CTNNAL1: variants seen among roughly 807,000 people sequenced by gnomAD.
The protein encoded by CTNNAL1 is alpha-catulin.
In CTNNAL1, 69 loss-of-function variants were observed where a neutral mutation model predicts 93.6. That is an observed-to-expected ratio of 0.74 (90% CI 0.61 to 0.90). CTNNAL1 has a LOEUF of 0.90. Ranked by LOEUF, CTNNAL1 falls within the 40% of genes least tolerant of loss-of-function variation. CTNNAL1 has a pLI of 0.00. For missense variants in CTNNAL1, 836 were observed against 862.0 expected (o/e 0.97, Z 0.38); for synonymous variants, 286 against 305.4 (o/e 0.94, Z 0.66).
intron 10 of CTNNAL1, among the ~76,000 whole-genome samples, chr9:108,969,282 A>AG: frequency 6.6e-6 from 1 of 151,592 alleles, no homozygotes; most frequent in East Asian, 1.9e-4. Flanking sequence ...AAAAAAAAAA[A>AG]GGAGGAAGCT....
intron 17 of CTNNAL1, 103 bp from the exon 18 acceptor site, chr9:108,943,147 C>A: frequency 9.5e-7 from 1 of 1,055,196 alleles, no homozygotes; most frequent in Non-Finnish European, 1.4e-6. Context: ...ATATGGAAAT[C>A]TAAGGGATCT....
intron 14 of CTNNAL1, among the ~76,000 whole-genome samples, chr9:108,951,985 G>C (rs992348646): frequency 2.0e-5 from 3 of 152,062 alleles, no homozygotes; most frequent in Admixed American, 6.6e-5. Context: ...TGGAAAGAGT[G>C]GGCAGAAACC....
chr9:108,994,234 A>C (rs1349541141), intron 2 of CTNNAL1, among the ~76,000 whole-genome samples: 1 of 152,136 alleles, frequency 6.6e-6, no homozygotes, highest in East Asian at 1.9e-4. Context: ...TGGTCTCAAA[A>C]AAAAAAAAGA....
chr9:108,961,805 T>C (rs1830827071), intron 11 of CTNNAL1, among the ~76,000 whole-genome samples: 1 of 152,202 alleles, frequency 6.6e-6, no homozygotes, highest in Non-Finnish European at 1.5e-5. Flanking sequence ...GTTTTACCTC[T>C]TCTGTAATTT....
chr9:109,012,292 G>C (rs1827228630), intron 1 of CTNNAL1, among the ~76,000 whole-genome samples: 1 of 152,192 alleles, frequency 6.6e-6, no homozygotes, highest in Non-Finnish European at 1.5e-5. Flanking sequence ...TGTTTAAGCA[G>C]GGTACTGGTG....
At chr9:108,945,216 C>T (rs993934781) in intron 15 of CTNNAL1, among the ~76,000 whole-genome samples, 1 of 152,152 alleles carries the variant, frequency 6.6e-6, no homozygotes, top group Non-Finnish European at 1.5e-5. Flanking sequence ...TCCCAGACCT[C>T]CCCAAGGATA....
rs116929532 is a variant in CTNNAL1 at position 108,949,433 on chromosome 9, C to T, written c.1836-1199G>A. On this transcript the variant is annotated intron_variant, in intron 14 of 18. Transcript: ENST00000325551. The stretch of plus-strand genomic sequence containing the variant: ...ATCTTTTTTTAAAAAGTTGGCCAAG[C>T]GCGGTGGCTCATGTCTGTAATCCCA... Among the ~76,000 whole-genome samples the T allele has an allele frequency of 1.7e-3, 262 of 152,230 alleles. 7 individuals carry two copies. In the East Asian group the frequency reaches 0.047, roughly 27 times the overall value.
rs774042662 is a variant in CTNNAL1 at position 108,990,779 on chromosome 9, G to T, written c.586C>A (p.Gln196Lys). Reference sequence around the variant, plus strand: ...AACTCCACCATTTCATTTCCAAATTGACTGAATATTTGGACAAACTCTTGA... The same window carrying T: ...AACTCCACCATTTCATTTCCAAATTTACTGAATATTTGGACAAACTCTTGA... ...SFQEFVQIFS[Q>K]FGNEMVEFAH... The change falls in exon 4 of 19, where the codon CAA (glutamine) becomes AAA (lysine). Residue 196 changes from glutamine to lysine, a missense_variant. Physicochemically the swap from Gln to Lys is moderately conservative, Grantham distance 53 (BLOSUM62 1). Coordinates refer to ENST00000325551, the MANE Select transcript of CTNNAL1 (RefSeq NM_003798.4). 3 of 1,613,588 alleles carry T rather than the reference G, an allele frequency of 1.9e-6. No homozygotes were observed. In the South Asian group the frequency reaches 3.3e-5, roughly 18 times the overall value.
At chr9:108,983,059 C>G (rs1002535049) in intron 6 of CTNNAL1, 86 bp downstream of exon 6, 2 of 1,162,672 alleles carry the variant, frequency 1.7e-6, no homozygotes, top group African/African-American at 3.2e-5. Flanking sequence ...GCCTGGGCAA[C>G]AGAGCGAGAC....
chr9:108,979,167 T>A, intron 7 of CTNNAL1, 114 bp downstream of exon 7: 1 of 1,320,562 alleles, frequency 7.6e-7, no homozygotes, highest in Middle Eastern at 2.4e-4. Context: ...AGATATCCTG[T>A]CCCATTCTGG....
chr9:109,012,570 C>A (rs1412101025), intron 1 of CTNNAL1, among the ~76,000 whole-genome samples: 4 of 152,176 alleles, frequency 2.6e-5, no homozygotes, highest in African/African-American at 9.7e-5. Context: ...AAACTCAGGG[C>A]GTCGGTTAGC....
intron 3 of CTNNAL1, 111 bp downstream of exon 3, chr9:108,992,521 G>A: frequency 1.5e-6 from 2 of 1,308,292 alleles, no homozygotes; most frequent in Non-Finnish European, 2.1e-6. Context: ...CCCACAGCTA[G>A]CTGCATTCTT....
Position 108,984,392 on chromosome 9 carries a change from C to T in CTNNAL1, c.684G>A (p.Arg228=). ...TCATTGTACACTTTTCAAGAACTGC[C>T]CTAGCTGCTGCCATTTTTGCCTTTT... The part of the protein sequence containing the change: ...EKKKAKMAAA[R]AVLEKCTMML... The change falls in exon 5 of 19, where the codon AGG becomes AGA. Residue 228 remains arginine, a synonymous_variant. Coordinates refer to ENST00000325551, the MANE Select transcript of CTNNAL1 (RefSeq NM_003798.4). The T allele has an allele frequency of 6.2e-7, 1 of 1,612,294 alleles. No individual in the cohort carries two copies.
chr9:108,993,853 C>G (rs1831906986), intron 2 of CTNNAL1, among the ~76,000 whole-genome samples: 1 of 152,178 alleles, frequency 6.6e-6, no homozygotes, highest in African/African-American at 2.4e-5. Flanking sequence ...AATAATGTGT[C>G]AGCTCATAGG....
At chr9:108,967,453 A>G (rs1017530876) in intron 10 of CTNNAL1, among the ~76,000 whole-genome samples, 1 of 152,188 alleles carries the variant, frequency 6.6e-6, no homozygotes, top group Admixed American at 6.5e-5. Context: ...CACTGTGCCC[A>G]CGTTCCAGGT....
chr9:108,969,958 A>T (rs1047796980), intron 10 of CTNNAL1, among the ~76,000 whole-genome samples: 7 of 152,324 alleles, frequency 4.6e-5, no homozygotes, highest in South Asian at 4.1e-4. Flanking sequence ...GGTGTTAGCC[A>T]CCATGCCTGG....
At chr9:108,994,899 G>A (rs1465473135) in intron 2 of CTNNAL1, among the ~76,000 whole-genome samples, 1 of 152,166 alleles carries the variant, frequency 6.6e-6, no homozygotes, top group Non-Finnish European at 1.5e-5. Flanking sequence ...GAGGAAGTGA[G>A]GCCTCCAGCC....
chr9:108,973,413 C>T (rs1031924889), intron 8 of CTNNAL1, among the ~76,000 whole-genome samples: 6 of 152,130 alleles, frequency 3.9e-5, no homozygotes, highest in African/African-American at 9.7e-5. Context: ...TATATCATGG[C>T]AAGCACTGTA....
chr9:108,972,911 A>G (rs1383536624), intron 8 of CTNNAL1, 78 bp from the exon 9 acceptor site: 1 of 1,428,052 alleles, frequency 7.0e-7, no homozygotes, highest in Non-Finnish European at 9.2e-7. Flanking sequence ...ACAAACAATA[A>G]CATTTTGTGA....
Sources: gnomAD v4.1 joint callset for allele counts (sites outside exome capture counted in the v4.1 genomes callset) on GRCh38, gnomAD v4.1.1 for gene constraint, MANE v1.5 for transcripts, NCBI Gene and HGNC (gene_info 2026-07-23, HGNC 2026-07-21) for gene names.